Variants in FCHSD2 observed in about 807,000 individuals in gnomAD.
The protein encoded by FCHSD2 is F-BAR and double SH3 domains protein 2.
A neutral mutation model predicts 108.1 loss-of-function variants in FCHSD2; 38 were observed. That is an observed-to-expected ratio of 0.35 (90% CI 0.27 to 0.46). FCHSD2 has a LOEUF of 0.46. Among genes scored for constraint, FCHSD2 ranks in the 20% least tolerant of loss-of-function variants. The pLI, the probability that FCHSD2 is intolerant of heterozygous loss-of-function variation, is 1.00. For synonymous variants in FCHSD2, 279 were observed against 314.7 expected (o/e 0.89, Z 1.20); for missense variants, 751 against 897.8 (o/e 0.84, Z 2.09).
chr11:72,893,839 C>T (rs1454161097), intron 10 of FCHSD2, among the ~76,000 whole-genome samples: 4 of 151,756 alleles, frequency 2.6e-5, no homozygotes, highest in African/African-American at 9.7e-5. Flanking sequence ...CTTTGAAGAA[C>T]TAAATTAAGG....
intron 8 of FCHSD2, among the ~76,000 whole-genome samples, chr11:72,972,660 T>C (rs774813192): frequency 6.6e-6 from 1 of 152,216 alleles, no homozygotes; most frequent in Non-Finnish European, 1.5e-5. Flanking sequence ...GCATCCTAAT[T>C]TTATCTTTCT....
chr11:73,078,344 T>C (rs1030422773), intron 3 of FCHSD2, among the ~76,000 whole-genome samples: 1 of 152,108 alleles, frequency 6.6e-6, no homozygotes, highest in Non-Finnish European at 1.5e-5. Flanking sequence ...CCCAGACATA[T>C]ACCAAAGAAA....
At chr11:73,118,595 T>C (rs182092878) in intron 2 of FCHSD2, among the ~76,000 whole-genome samples, 5 of 152,390 alleles carry the variant, frequency 3.3e-5, no homozygotes, top group African/African-American at 9.6e-5. Context: ...TTCACTCATT[T>C]TTATTGCTGA....
At chr11:73,055,671 A>T (rs1247941841) in intron 3 of FCHSD2, among the ~76,000 whole-genome samples, 1 of 152,218 alleles carries the variant, frequency 6.6e-6, no homozygotes, top group African/African-American at 2.4e-5. Flanking sequence ...TAAATTTTTT[A>T]ATAGATAAAA....
chr11:73,076,640 T>C (rs1281586784), intron 3 of FCHSD2, among the ~76,000 whole-genome samples: 1 of 152,226 alleles, frequency 6.6e-6, no homozygotes, highest in Non-Finnish European at 1.5e-5. Context: ...GTATGTTTGC[T>C]AAAAATCATT....
At chr11:73,006,084 T>A (rs553455870) in intron 4 of FCHSD2, among the ~76,000 whole-genome samples, 41 of 151,856 alleles carry the variant, frequency 2.7e-4, no homozygotes, top group East Asian at 1.4e-3. Flanking sequence ...TTTTTTTTTT[T>A]AAATAAAAAT....
chr11:73,052,856 T>C (rs1444916630), intron 3 of FCHSD2, among the ~76,000 whole-genome samples: 1 of 152,142 alleles, frequency 6.6e-6, no homozygotes, highest in Non-Finnish European at 1.5e-5. Flanking sequence ...TTTCTCTTTT[T>C]TTCTTTTTGA....
chr11:73,037,578 A>G (rs1204813570), intron 3 of FCHSD2, among the ~76,000 whole-genome samples: 2 of 152,068 alleles, frequency 1.3e-5, no homozygotes, highest in African/African-American at 4.8e-5. Flanking sequence ...TATCCACACA[A>G]TATTCTTGTC....
intron 2 of FCHSD2, among the ~76,000 whole-genome samples, chr11:73,118,994 T>A (rs2135555637): frequency 6.6e-6 from 1 of 152,328 alleles, no homozygotes; most frequent in South Asian, 2.1e-4. Context: ...TTAATTTTTG[T>A]TTGAAAAGAA....
chr11:73,021,448 A>G (rs1858102564), intron 3 of FCHSD2, among the ~76,000 whole-genome samples: 1 of 152,158 alleles, frequency 6.6e-6, no homozygotes, highest in African/African-American at 2.4e-5. Context: ...TTAGCAAACT[A>G]ATGCAAGAAC....
intron 10 of FCHSD2, chr11:72,900,112 T>C (rs1855496481): frequency 3.7e-6 from 2 of 534,058 alleles, no homozygotes; most frequent in African/African-American, 1.9e-5. Flanking sequence ...AAATTCTTAA[T>C]TTATAAGAGA....
intron 10 of FCHSD2, among the ~76,000 whole-genome samples, chr11:72,893,275 T>C (rs1387766679): frequency 2.4e-4 from 37 of 152,128 alleles, no homozygotes; most frequent in Admixed American, 2.4e-3. Flanking sequence ...AGTGCTGGGA[T>C]TACAAGCATG....
At chr11:72,883,675 T>C (rs1057241028) in intron 12 of FCHSD2, among the ~76,000 whole-genome samples, 1 of 152,184 alleles carries the variant, frequency 6.6e-6, no homozygotes, top group African/African-American at 2.4e-5. Flanking sequence ...CTCACGCCTG[T>C]AATCCCAGCA....
In FCHSD2 at chr11:73,114,612, T is replaced by C. The variant is rs372311715; in HGVS notation, c.119+25419A>G. Among the ~76,000 whole-genome samples the C allele has an allele frequency of 7.9e-5, 12 of 152,146 alleles. No individual in the cohort carries two copies. In the South Asian group the frequency reaches 1.5e-3, roughly 18 times the overall value. ...CGTACTAACTAGGTATTGCTGCTGG[T>C]TCCTCAGGGCCCAAGGGCACTTTAG... On this transcript the variant is annotated intron_variant, in intron 2 of 19. Transcript: ENST00000409418.
Position 72,837,521 on chromosome 11 carries a change from T to C in FCHSD2, c.*1270A>G, listed in dbSNP as rs2135140786. 1 of 151,172 alleles carries C rather than the reference T, an allele frequency of 6.6e-6. No individual in the cohort carries two copies. Among genetic ancestry groups the C allele is most frequent in the Middle Eastern group, 3.5e-3 (1 of 284 alleles). The allele number at this position is 151,172 out of a possible 1,614,324, so 9.4% of individuals were successfully genotyped here. ...AACATCCCTTAGTCCCTAGGTATTG[T>C]GCTCCCTACCTTCTACAGGAGCGGA... On this transcript the variant is annotated 3_prime_UTR_variant, in exon 20 of 20. Transcript: ENST00000409418.
rs1219935476 is a variant in FCHSD2 at position 72,871,515 on chromosome 11, AGTAAGGTT to A, written c.1147-3497_1147-3490del. ...GTTCCACTAAGCTAATTTTAGGTTA[AGTAAGGTT>A]CCACTTACTTAACCTAAGTAAAGTT... On this transcript the variant is annotated intron_variant, in intron 12 of 19. Coordinates refer to ENST00000409418, the MANE Select transcript of FCHSD2 (RefSeq NM_014824.3). Among the ~76,000 whole-genome samples the A allele has an allele frequency of 9.1e-3, 1,389 of 152,262 alleles. 21 individuals carry two copies. The highest frequency in any genetic ancestry group is 0.03 in the African/African-American group (1,266 of 41,538).
At chr11:72,894,221 ACT>A (rs1392420158) in intron 10 of FCHSD2, among the ~76,000 whole-genome samples, 3 of 152,214 alleles carry the variant, frequency 2.0e-5, no homozygotes, top group African/African-American at 7.2e-5. Flanking sequence ...AATTTGTACT[ACT>A]TACATTTTTC....
intron 2 of FCHSD2, among the ~76,000 whole-genome samples, chr11:73,121,174 TACAC>T (rs34381314): frequency 6.7e-6 from 1 of 148,650 alleles, no homozygotes; most frequent in Non-Finnish European, 1.5e-5. Context: ...CACATACACA[TACAC>T]ACACACACAC....
chr11:73,086,106 T>C (rs957979761), intron 2 of FCHSD2, among the ~76,000 whole-genome samples: 1 of 152,160 alleles, frequency 6.6e-6, no homozygotes, highest in Non-Finnish European at 1.5e-5. Flanking sequence ...TTCAAATACT[T>C]ACATTATTTT....
Sources: gnomAD v4.1 joint callset for allele counts (sites outside exome capture counted in the v4.1 genomes callset) on GRCh38, gnomAD v4.1.1 for gene constraint, MANE v1.5 for transcripts, NCBI Gene and HGNC (gene_info 2026-07-23, HGNC 2026-07-21) for gene names.